PTPRA: variants seen among roughly 807,000 people sequenced by gnomAD.
PTPRA encodes the protein receptor-type tyrosine-protein phosphatase alpha.
A neutral mutation model predicts 104.8 loss-of-function variants in PTPRA; 25 were observed. That is an observed-to-expected ratio of 0.24 (90% CI 0.17 to 0.33). The LOEUF is 0.33. Ranked by LOEUF, PTPRA falls within the 10% of genes least tolerant of loss-of-function variation. The pLI, the probability that PTPRA is intolerant of heterozygous loss-of-function variation, is 1.00. For synonymous variants in PTPRA, 323 were observed against 368.9 expected, an observed-to-expected ratio of 0.88 and a Z score of 1.43; for missense variants, 765 against 1,015.3, an observed-to-expected ratio of 0.75 and a Z score of 3.35.
chr20:2,945,582 G>GGTGTGTGT lies in PTPRA; in HGVS notation c.-49-2377_-49-2370dup, dbSNP rs3842441. On this transcript the variant is annotated intron_variant, in intron 2 of 23. Transcript: ENST00000399903. ...GCACGGAGCTTGATTATAATTGGCA[G>GGTGTGTGT]GTGTGTGTGTGTGTGTGTGTGTGTG... is the stretch of plus-strand genomic sequence containing the variant. 1.7e-3 allele frequency among the ~76,000 whole-genome samples: 248 copies of GGTGTGTGT among 148,260 alleles called. 1 individual carries two copies. The Middle Eastern group carries it at 0.017, about 10-fold the overall frequency.
chr20:2,928,137 G>GT (rs1412121475), intron 2 of PTPRA, among the ~76,000 whole-genome samples: 19 of 151,984 alleles, frequency 1.3e-4, no homozygotes, highest in African/African-American at 3.4e-4. Flanking sequence ...TGTTGTTGTT[G>GT]TTGTTTGTTT....
At chr20:2,960,542 C>G (rs1455460883) in intron 3 of PTPRA, among the ~76,000 whole-genome samples, 1 of 151,624 alleles carries the variant, frequency 6.6e-6, no homozygotes, top group East Asian at 1.9e-4. Context: ...CCACCACGCC[C>G]TACCTTTTTT....
Position 3,007,427 on chromosome 20 carries a change from A to G in PTPRA, c.906+7A>G. 1 of 1,612,786 alleles carries G rather than the reference A, an allele frequency of 6.2e-7. No individual in the cohort carries two copies. Among genetic ancestry groups the G allele is most frequent in the South Asian group, 1.1e-5 (1 of 91,022 alleles). ...CAATGCTTCATTCATCAACGTAAGGATCGGGTGCTTTCCCTGTCACTTCCC... is the reference window on the plus strand; with the variant it reads ...CAATGCTTCATTCATCAACGTAAGGGTCGGGTGCTTTCCCTGTCACTTCCC... On this transcript the variant is annotated splice_region_variant and intron_variant, in intron 11 of 23. Coordinates refer to ENST00000399903, the MANE Select transcript of PTPRA (RefSeq NM_001385305.1).
chr20:3,035,719 G>A lies in PTPRA; in HGVS notation c.2046+9G>A, dbSNP rs1256098344. 1.2e-6 allele frequency: 2 copies of A among 1,614,160 alleles called. No individual in the cohort carries two copies. The highest frequency in any genetic ancestry group is 2.2e-5 in the South Asian group (2 of 91,080). On this transcript the variant is annotated intron_variant, in intron 21 of 23. Coordinates refer to ENST00000399903, the MANE Select transcript of PTPRA (RefSeq NM_001385305.1). The surrounding 1 kb of genome is among the most constrained non-coding windows in gnomAD (Gnocchi z 5.8). ...TGGTCACCAACACCAGGGTAAGATG[G>A]GTCGTGGGTGGACTCTGCCCACAGG...
intron 17 of PTPRA, among the ~76,000 whole-genome samples, chr20:3,025,191 A>C (rs1369153656): frequency 6.6e-6 from 1 of 152,336 alleles, no homozygotes; most frequent in South Asian, 2.1e-4. Context: ...ACAGTGGCTC[A>C]CGCCTGTAAT....
chr20:3,032,587 A>C (rs561918564), intron 20 of PTPRA, among the ~76,000 whole-genome samples: 2 of 151,450 alleles, frequency 1.3e-5, no homozygotes, highest in African/African-American at 2.4e-5. Context: ...CCAACATGGC[A>C]AAACCCCATC....
At chr20:3,000,371 A>G (rs945579031) in intron 9 of PTPRA, among the ~76,000 whole-genome samples, 3 of 152,346 alleles carry the variant, frequency 2.0e-5, no homozygotes, top group Admixed American at 2.0e-4. Context: ...CCAGTATGCT[A>G]TGGAAAGATG....
At chr20:2,992,847 C>T (rs73581791) in intron 9 of PTPRA, among the ~76,000 whole-genome samples, 6,003 of 152,266 alleles carry the variant, frequency 0.039, 383 homozygotes, top group African/African-American at 0.13. Context: ...AATCCTCGCA[C>T]TTTGGGAGAT....
At chr20:2,888,270 C>T (rs1236997722) in intron 1 of PTPRA, among the ~76,000 whole-genome samples, 2 of 152,204 alleles carry the variant, frequency 1.3e-5, no homozygotes, top group East Asian at 3.9e-4. Flanking sequence ...TTTGAAAATG[C>T]ATTTTCAGGC....
intron 5 of PTPRA, among the ~76,000 whole-genome samples, chr20:2,967,726 G>T (rs1393184300): frequency 3.3e-5 from 5 of 152,044 alleles, no homozygotes; most frequent in African/African-American, 4.8e-5. Context: ...CTGGGCATGG[G>T]TGCATGTGCT....
intron 12 of PTPRA, among the ~76,000 whole-genome samples, chr20:3,017,225 G>T (rs1010682759): frequency 4.6e-5 from 7 of 152,166 alleles, no homozygotes; most frequent in African/African-American, 1.4e-4. Flanking sequence ...TGGATTGGTT[G>T]CTCTCTATCC....
chr20:3,037,097 C>T lies in PTPRA; in HGVS notation c.2199-57C>T, dbSNP rs1189237984. 33 of 1,585,678 alleles carry T rather than the reference C, an allele frequency of 2.1e-5. No homozygotes were observed. Among genetic ancestry groups the T allele is most frequent in the Non-Finnish European group, 2.7e-5 (31 of 1,164,100 alleles). On this transcript the variant is annotated intron_variant, in intron 22 of 23. Coordinates refer to ENST00000399903, the MANE Select transcript of PTPRA (RefSeq NM_001385305.1). This position sits in a 1 kb window ranked among gnomAD's most constrained non-coding sequence, Gnocchi z 4.3. ...TCTTCTGCCACTCACCACTGTCACT[C>T]ACCCCCTTGCACAGAGGGCCATCAC... is the stretch of plus-strand genomic sequence containing the variant.
At chr20:2,917,169 C>T (rs1253077176) in intron 1 of PTPRA, among the ~76,000 whole-genome samples, 1 of 151,946 alleles carries the variant, frequency 6.6e-6, no homozygotes, top group Non-Finnish European at 1.5e-5. Flanking sequence ...GTTGGCCAGG[C>T]TGGTCTCGAA....
chr20:3,018,459 A>T (rs1449639374), intron 13 of PTPRA, among the ~76,000 whole-genome samples: 1 of 151,482 alleles, frequency 6.6e-6, no homozygotes, highest in Non-Finnish European at 1.5e-5. Context: ...GCATCTGTTT[A>T]ACAAAGCACA....
chr20:3,026,112 A>T (rs2148459053), intron 17 of PTPRA, among the ~76,000 whole-genome samples: 1 of 151,658 alleles, frequency 6.6e-6, no homozygotes, highest in African/African-American at 2.4e-5. Flanking sequence ...CCCCCGGCTA[A>T]TTTTTAGTAG....
At chr20:3,012,892 A>T (rs1339336841) in intron 11 of PTPRA, among the ~76,000 whole-genome samples, 2 of 152,232 alleles carry the variant, frequency 1.3e-5, no homozygotes, top group Non-Finnish European at 2.9e-5. Flanking sequence ...TTATGCAGCC[A>T]TCACCATAAA....
intron 1 of PTPRA, among the ~76,000 whole-genome samples, chr20:2,922,546 G>A (rs777626484): frequency 6.6e-6 from 1 of 152,140 alleles, no homozygotes; most frequent in African/African-American, 2.4e-5. Context: ...CACCATGTTG[G>A]CCAGGCTGGT....
chr20:2,955,538 T>G, intron 3 of PTPRA: 1 of 784,610 alleles, frequency 1.3e-6, no homozygotes, highest in Non-Finnish European at 1.5e-6. Context: ...CTTCTCTTGT[T>G]TTGGACTTCT....
the PTPRA span, among the ~76,000 whole-genome samples, chr20:2,868,284 A>C: frequency 7.0e-6 from 1 of 142,000 alleles, no homozygotes; most frequent in Non-Finnish European, 1.5e-5. Flanking sequence ...CACCCCACCA[A>C]TTTCAAGGGG....
Sources: allele counts gnomAD v4.1 joint callset (sites outside exome capture counted in the v4.1 genomes callset), GRCh38; gene constraint gnomAD v4.1.1; non-coding constraint Gnocchi (gnomAD v3.1); transcripts MANE v1.5; gene names NCBI Gene and HGNC (gene_info 2026-07-23, HGNC 2026-07-21).